The following PCDHGB7 variants were observed in gnomAD, a reference collection of about 807,000 sequenced individuals.
PCDHGB7 encodes protocadherin gamma-B7.
Under a neutral mutation model 61.4 loss-of-function variants are expected in PCDHGB7, and 37 were observed. The ratio of observed to expected loss-of-function variants is 0.60; its 90% confidence interval spans 0.46 to 0.79. The LOEUF (loss-of-function observed/expected upper bound fraction) is 0.79, where lower values mean the gene tolerates loss of function less well. Ranked by LOEUF, PCDHGB7 falls within the 30% of genes least tolerant of loss-of-function variation. The probability of loss-of-function intolerance (pLI) is 0.00; values close to 1 mark genes in which losing one functional copy is unlikely to be tolerated. For missense variants in PCDHGB7, 1,166 were observed against 1,202.5 expected, an observed-to-expected ratio of 0.97 and a Z score of 0.45; for synonymous variants, 464 against 503.5, an observed-to-expected ratio of 0.92 and a Z score of 1.05.
intron 1 of PCDHGB7, chr5:141,430,861 A>C: frequency 6.3e-7 from 1 of 1,592,834 alleles, no homozygotes; most frequent in Middle Eastern, 1.7e-4. Flanking sequence ...TACGCTATTC[A>C]GTTCCGGAAG....
Position 141,431,054 on chromosome 5 carries a change from G to A in PCDHGB7, c.2415+10780G>A, listed in dbSNP as rs532584174. 1 of 1,614,198 alleles carries A rather than the reference G, an allele frequency of 6.2e-7. No individual in the cohort carries two copies. Among genetic ancestry groups the A allele is most frequent in the African/African-American group, 1.3e-5 (1 of 75,076 alleles). ...AGACCGGGAGGAGCTCTGTATGGGG[G>A]CCATCAAGTGTCAATTAAATCTAGA... On this transcript the variant is annotated intron_variant, in intron 1 of 3. Transcript: ENST00000398594. This position sits in a 1 kb window ranked among gnomAD's most constrained non-coding sequence, Gnocchi z 4.8.
intron 1 of PCDHGB7, chr5:141,421,455 C>G (rs762490406): frequency 6.2e-6 from 10 of 1,614,108 alleles, no homozygotes; most frequent in South Asian, 1.1e-5. Flanking sequence ...CACAGCTTTT[C>G]GCTGTGAATC....
chr5:141,475,867 G>A (rs2099377217), intron 1 of PCDHGB7: 1 of 504,884 alleles, frequency 2.0e-6, no homozygotes, highest in Non-Finnish European at 3.5e-6. Flanking sequence ...CTCATTCTTC[G>A]TGCAGTTATT....
rs747077639 is a variant in PCDHGB7, at chr5:141,432,371, G to C, written c.2415+12097G>C. 2 of 1,614,234 alleles carry C rather than the reference G, an allele frequency of 1.2e-6. No individual in the cohort carries two copies. The highest frequency in any genetic ancestry group is 1.6e-4 in the Middle Eastern group (1 of 6,062). ...AGTGAAAGTGATGGCGCGGGACAAC[G>C]GGCACCCGCCCCTCAGCAGCAACGT... On this transcript the variant is annotated intron_variant, in intron 1 of 3. Transcript: ENST00000398594. The surrounding 1 kb of genome is among the most constrained non-coding windows in gnomAD (Gnocchi z 6.0).
intron 1 of PCDHGB7, chr5:141,427,831 G>T: frequency 7.1e-6 from 11 of 1,539,366 alleles, no homozygotes; most frequent in Non-Finnish European, 9.8e-6. Context: ...GTCGCGCAGC[G>T]TGCCTTCGAC....
intron 1 of PCDHGB7, chr5:141,440,169 C>A (rs891186588): frequency 1.3e-5 from 2 of 152,218 alleles, no homozygotes; most frequent in Non-Finnish European, 2.9e-5. Flanking sequence ...TGGGCCATAA[C>A]GCTTTGAAAT....
Position 141,487,193 on chromosome 5 carries a change from C to T in PCDHGB7, c.2416-7614C>T. 6.2e-7 allele frequency: 1 copy of T among 1,613,784 alleles called. No individual in the cohort carries two copies. Among genetic ancestry groups the T allele is most frequent in the Non-Finnish European group, 8.5e-7 (1 of 1,179,724 alleles). On this transcript the variant is annotated intron_variant, in intron 1 of 3. Transcript: ENST00000398594. The surrounding 1 kb of genome is among the most constrained non-coding windows in gnomAD (Gnocchi z 5.0). ...AGAGGAAGACACTCATCCAGTTGTC[C>T]CAGATCTTCGAGAATCTTCAGCTCC...
chr5:141,431,960 T>C lies in PCDHGB7; in HGVS notation c.2415+11686T>C. On this transcript the variant is annotated intron_variant, in intron 1 of 3. Transcript: ENST00000398594. This position sits in a 1 kb window ranked among gnomAD's most constrained non-coding sequence, Gnocchi z 4.8. ...TAAATTAGAAAAATCTTACGGAAAT[T>C]ACTATAGTTTAGTCACAGACATAGT... The C allele has an allele frequency of 3.7e-6, 6 of 1,614,166 alleles. No individual in the cohort carries two copies. Among genetic ancestry groups the C allele is most frequent in the Non-Finnish European group, 5.1e-6 (6 of 1,180,034 alleles).
intron 1 of PCDHGB7, among the ~76,000 whole-genome samples, chr5:141,437,364 T>C (rs1026384836): frequency 6.6e-6 from 1 of 152,232 alleles, no homozygotes; most frequent in African/African-American, 2.4e-5. Flanking sequence ...AAAATTGGAA[T>C]GTAATCAGTC....
intron 2 of PCDHGB7, among the ~76,000 whole-genome samples, chr5:141,503,388 A>C (rs1456500896): frequency 6.6e-6 from 1 of 152,004 alleles, no homozygotes; most frequent in East Asian, 1.9e-4. Flanking sequence ...TGAGGTCAGG[A>C]GTTCGAAACC....
intron 1 of PCDHGB7, among the ~76,000 whole-genome samples, chr5:141,460,256 C>T (rs1315761341): frequency 6.6e-6 from 1 of 151,704 alleles, no homozygotes; most frequent in Admixed American, 6.6e-5. Context: ...TTGATAAAGC[C>T]CAATTTATTT....
At chr5:141,478,794 G>A in intron 1 of PCDHGB7, 1 of 1,468,126 alleles carries the variant, frequency 6.8e-7, no homozygotes, top group Non-Finnish European at 9.0e-7. Flanking sequence ...CACATCCTCA[G>A]CACTCTTTTG....
intron 1 of PCDHGB7, chr5:141,430,984 C>A (rs765063685): frequency 6.2e-7 from 1 of 1,613,648 alleles, no homozygotes; most frequent in South Asian, 1.1e-5. Flanking sequence ...CGCAGCTTTT[C>A]GCCCTGAATC....
intron 1 of PCDHGB7, among the ~76,000 whole-genome samples, chr5:141,473,096 G>A (rs1007912058): frequency 9.9e-5 from 15 of 152,058 alleles, no homozygotes; most frequent in African/African-American, 3.6e-4. Context: ...ACTGTGAGTT[G>A]TATTACCACA....
chr5:141,430,655 G>C (rs1309165721), intron 1 of PCDHGB7: 2 of 1,085,056 alleles, frequency 1.8e-6, no homozygotes, highest in Non-Finnish European at 2.6e-6. Flanking sequence ...TGGAAACAAC[G>C]GAGGAGCTCT....
At chr5:141,436,632 G>T (rs763510513) in intron 1 of PCDHGB7, among the ~76,000 whole-genome samples, 2 of 152,130 alleles carry the variant, frequency 1.3e-5, no homozygotes, top group Non-Finnish European at 2.9e-5. Context: ...TTCACAACAT[G>T]CAATTAATTA....
intron 2 of PCDHGB7, among the ~76,000 whole-genome samples, chr5:141,496,103 C>T (rs779317844): frequency 2.0e-5 from 3 of 152,218 alleles, no homozygotes; most frequent in South Asian, 2.1e-4. Flanking sequence ...ACCAACACCC[C>T]GCTCTCTTCC....
At chr5:141,500,278 G>A (rs1338703900) in intron 2 of PCDHGB7, among the ~76,000 whole-genome samples, 2 of 150,508 alleles carry the variant, frequency 1.3e-5, no homozygotes, top group East Asian at 2.0e-4. Context: ...GCGCAATCTC[G>A]GCTCACTGCA....
Position 141,490,330 on chromosome 5 carries a change from C to G in PCDHGB7, c.2416-4477C>G. 4 of 1,614,198 alleles carry G rather than the reference C, an allele frequency of 2.5e-6. No homozygotes were observed. Among genetic ancestry groups the G allele is most frequent in the South Asian group, 1.1e-5 (1 of 91,082 alleles). On this transcript the variant is annotated intron_variant, in intron 1 of 3. Coordinates refer to ENST00000398594, the MANE Select transcript of PCDHGB7 (RefSeq NM_018927.4). This position sits in a 1 kb window ranked among gnomAD's most constrained non-coding sequence, Gnocchi z 5.4. ...GGCCAACCCTGTCCTAGAGAGCACACCAGTGGGCACAGTAGTGGGGTTGTT... is the reference window on the plus strand; with the variant it reads ...GGCCAACCCTGTCCTAGAGAGCACAGCAGTGGGCACAGTAGTGGGGTTGTT...
Sources: allele counts gnomAD v4.1 joint callset (sites outside exome capture counted in the v4.1 genomes callset), GRCh38; gene constraint gnomAD v4.1.1; non-coding constraint Gnocchi (gnomAD v3.1); transcripts MANE v1.5; gene names NCBI Gene and HGNC (gene_info 2026-07-23, HGNC 2026-07-21).